SCAF11: variants seen among roughly 807,000 people sequenced by gnomAD.
SCAF11 encodes protein SCAF11.
A neutral mutation model predicts 140.5 loss-of-function variants in SCAF11; 47 were observed. The ratio of observed to expected loss-of-function variants is 0.33; its 90% CI spans 0.26 to 0.43. The LOEUF is 0.43. Among genes scored for constraint, SCAF11 ranks in the 20% least tolerant of loss-of-function variants. SCAF11 has a pLI of 1.00. For missense variants in SCAF11, 1,645 were observed against 1,705.1 expected (o/e 0.96, Z 0.62); for synonymous variants, 557 against 579.4 (o/e 0.96, Z 0.55).
chr12:45,981,697 A>G (rs993972889), intron 1 of SCAF11, among the ~76,000 whole-genome samples: 2 of 152,160 alleles, frequency 1.3e-5, no homozygotes, highest in Admixed American at 1.3e-4. Context: ...CTGGAGGCTA[A>G]GGCAGGAGGA....
intron 1 of SCAF11, among the ~76,000 whole-genome samples, chr12:45,982,906 C>A (rs975236457): frequency 6.6e-6 from 1 of 152,052 alleles, no homozygotes; most frequent in Non-Finnish European, 1.5e-5. Flanking sequence ...TATCACTTCC[C>A]GGTACAAGGA....
chr12:45,979,608 T>A (rs946651193), intron 1 of SCAF11, among the ~76,000 whole-genome samples: 1 of 152,158 alleles, frequency 6.6e-6, no homozygotes, highest in Non-Finnish European at 1.5e-5. Flanking sequence ...GTAGTTATTA[T>A]AAAACCAAGA....
chr12:45,983,060 AAAT>A (rs761497357), intron 1 of SCAF11, among the ~76,000 whole-genome samples: 19 of 152,344 alleles, frequency 1.2e-4, no homozygotes, highest in Middle Eastern at 3.4e-3. Flanking sequence ...AAGTAAAGAA[AAAT>A]AATGATAATA....
intron 6 of SCAF11, among the ~76,000 whole-genome samples, chr12:45,939,838 G>T (rs1421820760): frequency 6.6e-6 from 1 of 152,182 alleles, no homozygotes; most frequent in Non-Finnish European, 1.5e-5. Flanking sequence ...TTTATAAAAA[G>T]AAATTTAAAT....
At chr12:45,938,410 A>G (rs544550543) in intron 6 of SCAF11, among the ~76,000 whole-genome samples, 7 of 152,234 alleles carry the variant, frequency 4.6e-5, no homozygotes, top group African/African-American at 1.7e-4. Context: ...AATCACTTGA[A>G]CCTGGGAGGC....
chr12:45,942,591 TA>T lies in SCAF11; in HGVS notation c.463+2657del, dbSNP rs144211372. ...ATTCTAGCCACACTAACTTCCTTGCTATTCTTTGGAGACATTCCAAGAATAT... is the reference window on the plus strand; with the variant it reads ...ATTCTAGCCACACTAACTTCCTTGCTTTCTTTGGAGACATTCCAAGAATAT... On this transcript the variant is annotated intron_variant, in intron 6 of 14. Transcript: ENST00000369367. Among the ~76,000 whole-genome samples the T allele has an allele frequency of 7.1e-3, 1,078 of 152,352 alleles. 10 individuals carry two copies. The highest frequency in any genetic ancestry group is 0.025 in the African/African-American group (1,021 of 41,582).
chr12:45,950,201 G>A (rs535244701), intron 4 of SCAF11, among the ~76,000 whole-genome samples: 4 of 152,118 alleles, frequency 2.6e-5, no homozygotes, highest in Admixed American at 6.6e-5. Context: ...TAAGATAATA[G>A]AGGTAAATGT....
chr12:45,936,138 GTTT>G (rs987862471), intron 6 of SCAF11, among the ~76,000 whole-genome samples: 1 of 149,196 alleles, frequency 6.7e-6, no homozygotes, highest in Non-Finnish European at 1.5e-5. Flanking sequence ...TCTATGTGTG[GTTT>G]TTTTTGTTTT....
chr12:45,952,064 C>T (rs909625771), intron 3 of SCAF11, among the ~76,000 whole-genome samples: 10 of 152,218 alleles, frequency 6.6e-5, no homozygotes, highest in African/African-American at 2.2e-4. Context: ...ACTTGGGCCA[C>T]TCCAAATGGC....
chr12:45,922,051 G>C lies in SCAF11; in HGVS notation c.4389C>G (p.Gly1463=). 6.2e-7 allele frequency: 1 copy of C among 1,609,496 alleles called. No individual in the cohort carries two copies. The highest frequency in any genetic ancestry group is 8.5e-7 in the Non-Finnish European group (1 of 1,178,896). ...GTCCTTGACAGCGTTCCCCATTTCA[G>C]CCTATGTTTTTTTCAGTAGACACAG... is the stretch of plus-strand genomic sequence containing the variant. ...EEPVSTEKNI[G] Residue 1463 remains glycine (G), a synonymous_variant, in exon 15 of 15, where the codon GGC becomes GGG. Transcript: ENST00000369367.
Position 45,934,221 on chromosome 12 carries a change from G to A in SCAF11, c.587C>T (p.Ser196Phe), listed in dbSNP as rs1222548585. The change falls in exon 8 of 15, where the codon TCT (serine) becomes TTT (phenylalanine). Residue 196 changes from serine to phenylalanine, a missense_variant. Coordinates refer to ENST00000369367, the MANE Select transcript of SCAF11 (RefSeq NM_004719.3). ...FRNFFSNMFS[S>F]VSHSGESSFT... ...GGAAGATTCTCCAGAGTGGCTAACA[G>A]AAGAAAACATATTGGAGAAAAAATT... 6.2e-7 allele frequency: 1 copy of A among 1,611,176 alleles called. No individual in the cohort carries two copies. The highest frequency in any genetic ancestry group is 1.7e-5 in the Admixed American group (1 of 59,868).
intron 4 of SCAF11, among the ~76,000 whole-genome samples, chr12:45,951,012 T>C (rs1318605302): frequency 6.6e-6 from 1 of 152,168 alleles, no homozygotes; most frequent in East Asian, 1.9e-4. Flanking sequence ...CTTCTCCTTT[T>C]CTCTTTTCTT....
Position 45,934,259 on chromosome 12 carries a change from A to T in SCAF11, c.549T>A (p.Asn183Lys). ...NKPQRSNWST[N>K]QCFRNFFSNM... ...TGGAGAAAAAATTTCTGAAGCACTG[A>T]TTTGTACTCCAATTTGATCTCTGAG... Residue 183 changes from asparagine (N) to lysine (K), a missense_variant, in exon 8 of 15, where the codon AAT becomes AAA. Physicochemically the swap from Asn to Lys is moderately conservative, Grantham distance 94. Transcript: ENST00000369367. 6.2e-7 allele frequency: 1 copy of T among 1,610,432 alleles called. No homozygotes were observed. The highest frequency in any genetic ancestry group is 8.5e-7 in the Non-Finnish European group (1 of 1,177,998).
chr12:45,942,242 G>C (rs1248175354), intron 6 of SCAF11, among the ~76,000 whole-genome samples: 2 of 152,278 alleles, frequency 1.3e-5, no homozygotes, highest in South Asian at 2.1e-4. Context: ...CCTAACTCTT[G>C]TGTTTTCAAG....
intron 4 of SCAF11, among the ~76,000 whole-genome samples, chr12:45,950,952 A>G (rs1206349674): frequency 6.6e-6 from 1 of 152,094 alleles, no homozygotes; most frequent in Non-Finnish European, 1.5e-5. Flanking sequence ...TTCATTCATG[A>G]CTTGGTAGTG....
intron 1 of SCAF11, among the ~76,000 whole-genome samples, chr12:45,972,190 GT>G (rs2136639539): frequency 6.6e-6 from 1 of 152,234 alleles, no homozygotes; most frequent in African/African-American, 2.4e-5. Flanking sequence ...GTAATGTAAA[GT>G]TTTGAAAACA....
At chr12:45,925,452 G>C (rs932975304) in intron 11 of SCAF11, among the ~76,000 whole-genome samples, 1 of 152,124 alleles carries the variant, frequency 6.6e-6, no homozygotes, top group Non-Finnish European at 1.5e-5. Flanking sequence ...CTAGTCAGGA[G>C]GCTGGAGAAT....
intron 6 of SCAF11, among the ~76,000 whole-genome samples, chr12:45,938,608 T>C (rs1338497093): frequency 6.6e-6 from 1 of 152,166 alleles, no homozygotes; most frequent in African/African-American, 2.4e-5. Context: ...CAATCTGCTA[T>C]GCTTAACTAG....
At chr12:45,938,108 T>G (rs1945210747) in intron 6 of SCAF11, among the ~76,000 whole-genome samples, 1 of 152,200 alleles carries the variant, frequency 6.6e-6, no homozygotes, top group African/African-American at 2.4e-5. Flanking sequence ...CCCCTCATAC[T>G]GTTTTACTTT....
Sources: allele counts gnomAD v4.1 joint callset (sites outside exome capture counted in the v4.1 genomes callset), GRCh38; gene constraint gnomAD v4.1.1; transcripts MANE v1.5; gene names NCBI Gene and HGNC (gene_info 2026-07-23, HGNC 2026-07-21).